ATE1: variants seen among roughly 807,000 people sequenced by gnomAD.
ATE1 encodes the protein arginyl-tRNA--protein transferase 1.
In ATE1, 36 loss-of-function variants were observed where a neutral mutation model predicts 70.5. The observed-to-expected ratio is 0.51, with a 90% CI of 0.39 to 0.67. The LOEUF (loss-of-function observed/expected upper bound fraction) is 0.67. Among genes scored for constraint, ATE1 ranks in the 30% least tolerant of loss-of-function variants. ATE1 has a pLI of 0.00. For synonymous variants in ATE1, 232 were observed against 219.3 expected, an observed-to-expected ratio of 1.06 and a Z score of -0.51; for missense variants, 593 against 629.5, an observed-to-expected ratio of 0.94 and a Z score of 0.62.
chr10:121,778,668 A>G (rs1454282883), intron 11 of ATE1, among the ~76,000 whole-genome samples: 1 of 143,320 alleles, frequency 7.0e-6, no homozygotes, highest in African/African-American at 2.6e-5. Context: ...GTGGCGTGAC[A>G]TCGGCTCACT....
chr10:121,924,430 G>A, intron 1 of ATE1, 101 bp from the exon 2 acceptor site: 1 of 1,130,688 alleles, frequency 8.8e-7, no homozygotes, highest in African/African-American at 1.5e-5. Flanking sequence ...TCCGGGCACG[G>A]TGGCTCATGC....
At chr10:121,879,583 G>T (rs900309857) in intron 7 of ATE1, among the ~76,000 whole-genome samples, 1 of 152,176 alleles carries the variant, frequency 6.6e-6, no homozygotes, top group African/African-American at 2.4e-5. Flanking sequence ...AACTACTCGT[G>T]AATTCAACGA....
chr10:121,841,931 T>G (rs889915901), intron 8 of ATE1, among the ~76,000 whole-genome samples: 1 of 151,982 alleles, frequency 6.6e-6, no homozygotes, highest in African/African-American at 2.4e-5. Flanking sequence ...AATAAAAAAA[T>G]AAAAACTATG....
intron 8 of ATE1, among the ~76,000 whole-genome samples, chr10:121,858,660 A>ATATATATATTATATATATTT (rs1554913049): frequency 1.9e-4 from 27 of 139,200 alleles, no homozygotes; most frequent in African/African-American, 2.7e-4. Flanking sequence ...TATACATATA[A>ATATATATATTATATATATTT]TATATATATA....
intron 7 of ATE1, among the ~76,000 whole-genome samples, chr10:121,890,454 A>G (rs10887012): frequency 0.13 from 20,049 of 152,194 alleles, 1,515 homozygotes; most frequent in East Asian, 0.19. Flanking sequence ...TAAAGCAAAG[A>G]AAAACTAACA....
chr10:121,928,103 G>T (rs2134689585), upstream of ATE1: 2 of 1,222,552 alleles, frequency 1.6e-6, no homozygotes, highest in South Asian at 7.6e-5. Context: ...GGCGCCTCTT[G>T]GAGCTGACGC....
At position 121,928,016 on chromosome 10, in the gene ATE1, C is replaced by G. The variant is rs1445479948; in HGVS notation, c.-67G>C. ...GCTAGCGCGGCCGCCGCCGCCACCC[C>G]ACAATGCAGCGCGCCGCCCGGGAGC... On this transcript the variant is annotated 5_prime_UTR_variant, in exon 1 of 12. Transcript: ENST00000224652. 2.3e-6 allele frequency: 3 copies of G among 1,333,094 alleles called. No individual in the cohort carries two copies. The highest frequency in any genetic ancestry group is 2.9e-6 in the Non-Finnish European group (3 of 1,041,642). The allele number at this position is 1,333,094 out of a possible 1,614,324, so 82.6% of individuals were successfully genotyped here. A position where few individuals can be genotyped will look rare whatever the true frequency, so the allele number is the denominator to read the frequency against.
intron 11 of ATE1, among the ~76,000 whole-genome samples, chr10:121,783,989 A>T (rs1364788534): frequency 1.3e-5 from 2 of 152,176 alleles, no homozygotes; most frequent in Non-Finnish European, 2.9e-5. Flanking sequence ...GGGCTCAAGC[A>T]ATTCTCCCAC....
At chr10:121,840,415 T>C (rs1410300355) in intron 9 of ATE1, among the ~76,000 whole-genome samples, 1 of 152,186 alleles carries the variant, frequency 6.6e-6, no homozygotes, top group Non-Finnish European at 1.5e-5. Context: ...GGAGGATCAC[T>C]TGAGCCCAGG....
intron 10 of ATE1, among the ~76,000 whole-genome samples, chr10:121,818,919 T>C (rs1371431071): frequency 6.6e-6 from 1 of 152,244 alleles, no homozygotes; most frequent in African/African-American, 2.4e-5. Context: ...TAAGTGGAAT[T>C]GTATTTTAAA....
intron 10 of ATE1, among the ~76,000 whole-genome samples, chr10:121,797,513 C>A (rs1259450344): frequency 1.3e-5 from 2 of 151,862 alleles, no homozygotes; most frequent in Admixed American, 6.6e-5. Context: ...TAGCCCCTAG[C>A]AACCATTATT....
Position 121,763,141 on chromosome 10 carries a change from A to G in ATE1, c.1379-19283T>C, listed in dbSNP as rs1046568318. ...TTAGTATATATGCAAAAGGATGTAT[A>G]CTTAAGGGTATGGTTTATGATAGCA... On this transcript the variant is annotated intron_variant, in intron 11 of 11. Coordinates refer to ENST00000224652, the MANE Select transcript of ATE1 (RefSeq NM_001001976.3). Among the ~76,000 whole-genome samples, 10 of 152,208 alleles carry G rather than the reference A, an allele frequency of 6.6e-5. 1 individual carries two copies. Among genetic ancestry groups the G allele is most frequent in the African/African-American group, 2.4e-4 (10 of 41,458 alleles).
chr10:121,818,809 CATT>C (rs1473902027), intron 10 of ATE1, among the ~76,000 whole-genome samples: 5 of 152,162 alleles, frequency 3.3e-5, no homozygotes, highest in Non-Finnish European at 1.5e-5. Context: ...ACTTGAACCA[CATT>C]ATATATACAC....
chr10:121,810,307 G>C (rs780894097), intron 10 of ATE1, among the ~76,000 whole-genome samples: 2 of 152,100 alleles, frequency 1.3e-5, no homozygotes, highest in Non-Finnish European at 2.9e-5. Flanking sequence ...GTCTCACTCT[G>C]TCACCCAGGC....
intron 10 of ATE1, among the ~76,000 whole-genome samples, chr10:121,800,791 A>G (rs1946846792): frequency 6.6e-6 from 1 of 152,240 alleles, no homozygotes; most frequent in African/African-American, 2.4e-5. Context: ...ATGCTCTAAC[A>G]GTACATAAAC....
chr10:121,765,698 G>A (rs1480887995), intron 11 of ATE1, among the ~76,000 whole-genome samples: 1 of 152,170 alleles, frequency 6.6e-6, no homozygotes, highest in Non-Finnish European at 1.5e-5. Context: ...TTTCATTTCT[G>A]CTCCCACTAA....
At chr10:121,791,931 G>T (rs569655517) in intron 10 of ATE1, among the ~76,000 whole-genome samples, 4 of 152,154 alleles carry the variant, frequency 2.6e-5, no homozygotes, top group Non-Finnish European at 5.9e-5. Flanking sequence ...CGACGGAAAG[G>T]CTCTATACCA....
Position 121,817,039 on chromosome 10 carries a change from ACT to A in ATE1, c.1257+19677_1257+19678del, listed in dbSNP as rs143472901. 5.9e-3 allele frequency among the ~76,000 whole-genome samples: 894 copies of A among 152,246 alleles called. 10 individuals are homozygous for A. Among genetic ancestry groups the A allele is most frequent in the African/African-American group, 0.02 (843 of 41,548 alleles). On this transcript the variant is annotated intron_variant, in intron 10 of 11. Transcript: ENST00000224652. ...TTTTGTCATTACTTTAAAAAGAAAC[ACT>A]CTTTTTAATAAACTTATCTTTCATT...
chr10:121,869,099 G>A (rs1296604490), intron 8 of ATE1, among the ~76,000 whole-genome samples: 4 of 152,142 alleles, frequency 2.6e-5, no homozygotes, highest in African/African-American at 9.7e-5. Flanking sequence ...AGCCTAAGAG[G>A]AGAACACAAA....
Sources: gnomAD v4.1 joint callset for allele counts (sites outside exome capture counted in the v4.1 genomes callset) on GRCh38, gnomAD v4.1.1 for gene constraint, MANE v1.5 for transcripts, NCBI Gene and HGNC (gene_info 2026-07-23, HGNC 2026-07-21) for gene names.